Variants in ZNF280D observed in about 807,000 individuals in gnomAD.
ZNF280D encodes the protein zinc finger protein 280D.
Under a neutral mutation model 94.7 loss-of-function variants are expected in ZNF280D, and 39 were observed. The observed-to-expected ratio is 0.41, with a 90% CI of 0.32 to 0.54. The LOEUF is 0.54. Among genes scored for constraint, ZNF280D ranks in the 20% least tolerant of loss-of-function variants. The probability of loss-of-function intolerance (pLI) is 0.22; values close to 1 mark genes in which losing one functional copy is unlikely to be tolerated. For synonymous variants in ZNF280D, 398 were observed against 377.6 expected (o/e 1.05, Z -0.63); for missense variants, 1,090 against 1,149.3 (o/e 0.95, Z 0.75).
chr15:56,654,477 C>T lies in ZNF280D; in HGVS notation c.2084G>A (p.Cys695Tyr), dbSNP rs552965807. ...LRGITLVCLNCDFLSDVSGLD... is the reference protein window; with the variant it reads ...LRGITLVCLNYDFLSDVSGLD... ...GCCAGAAACATCACTTAGGAAATCA[C>T]AATTAAGGCACACTAGAGTAATGCC... is the stretch of plus-strand genomic sequence containing the variant. Residue 695 changes from cysteine to tyrosine, a missense_variant, in exon 18 of 22, where the codon TGT (cysteine) becomes TAT (tyrosine). Cys to Tyr is a radical substitution (Grantham distance 194). This residue lies in a region of ZNF280D where 577 missense variants were observed against 568.8 expected (regional missense o/e 1.01). Coordinates refer to ENST00000267807, the MANE Select transcript of ZNF280D (RefSeq NM_017661.4). 24 of 1,605,414 alleles carry T rather than the reference C, an allele frequency of 1.5e-5. No homozygotes were observed. Among genetic ancestry groups the T allele is most frequent in the Non-Finnish European group, 2.0e-5 (23 of 1,177,638 alleles).
intron 6 of ZNF280D, among the ~76,000 whole-genome samples, chr15:56,696,201 CAT>C (rs1173145018): frequency 2.6e-5 from 4 of 152,080 alleles, no homozygotes; most frequent in African/African-American, 9.7e-5. Flanking sequence ...AGTAATAAAA[CAT>C]AATCTTACTT....
chr15:56,708,267 CAG>C (rs1324718543), intron 1 of ZNF280D, among the ~76,000 whole-genome samples: 4 of 152,100 alleles, frequency 2.6e-5, no homozygotes, highest in Non-Finnish European at 2.9e-5. Flanking sequence ...TTCAGTTATT[CAG>C]AGTTACTATC....
chr15:56,708,720 T>G (rs1298657686), intron 1 of ZNF280D, among the ~76,000 whole-genome samples: 1 of 152,206 alleles, frequency 6.6e-6, no homozygotes, highest in African/African-American at 2.4e-5. Context: ...TATAACCATC[T>G]GATCTTTGAC....
At chr15:56,731,987 TAAC>T (rs1381470206) in intron 1 of ZNF280D, among the ~76,000 whole-genome samples, 1 of 152,090 alleles carries the variant, frequency 6.6e-6, no homozygotes, top group Non-Finnish European at 1.5e-5. Context: ...CTGGGCAACA[TAAC>T]AACCGCATTT....
At chr15:56,726,647 G>A (rs12900244) in intron 1 of ZNF280D, among the ~76,000 whole-genome samples, 72,872 of 151,924 alleles carry the variant, frequency 0.48, 19,368 homozygotes, top group East Asian at 0.61. Flanking sequence ...AAAAATAATA[G>A]GACTGCCTAA....
chr15:56,725,265 C>T (rs1458569557), intron 1 of ZNF280D, among the ~76,000 whole-genome samples: 1 of 151,798 alleles, frequency 6.6e-6, no homozygotes, highest in East Asian at 1.9e-4. Flanking sequence ...AAAAAAAAAT[C>T]CCAAACCTGA....
chr15:56,719,021 A>G (rs1289150963), intron 1 of ZNF280D, among the ~76,000 whole-genome samples: 1 of 152,150 alleles, frequency 6.6e-6, no homozygotes, highest in Admixed American at 6.6e-5. Flanking sequence ...AATAATGTAA[A>G]AACAGGTTTT....
chr15:56,654,073 T>C, intron 19 of ZNF280D, 125 bp downstream of exon 19: 2 of 1,218,260 alleles, frequency 1.6e-6, no homozygotes, highest in African/African-American at 1.6e-5. Context: ...CAAGCAGCTT[T>C]AAAAAAAAAA....
intron 14 of ZNF280D, 116 bp from the exon 15 acceptor site, chr15:56,667,102 ACAAT>A: frequency 1.4e-6 from 1 of 706,556 alleles, no homozygotes; most frequent in South Asian, 2.7e-5. Flanking sequence ...CATATAAACT[ACAAT>A]CAGGTAAGTC....
In ZNF280D at chr15:56,666,954, T is replaced by C; in HGVS notation, c.1578A>G (p.Gln526=). 2.5e-6 allele frequency: 4 copies of C among 1,609,732 alleles called. No homozygotes were observed. The highest frequency in any genetic ancestry group is 2.2e-5 in the East Asian group (1 of 44,718). The change falls in exon 15 of 22, where the codon CAA becomes CAG. Residue 526 remains glutamine, a synonymous_variant. Transcript: ENST00000267807. ...VTIRASVGPL[Q]SGASPTPSIS... ...TGGAAGGTGTAGGTGAAGCTCCTGA[T>C]TGCAGAGGTCCAACTGAAGCTCGAA...
intron 1 of ZNF280D, among the ~76,000 whole-genome samples, chr15:56,717,477 T>C (rs1299909932): frequency 6.6e-6 from 1 of 152,132 alleles, no homozygotes; most frequent in African/African-American, 2.4e-5. Flanking sequence ...TAATATTTAC[T>C]TGTTTTGAGC....
intron 6 of ZNF280D, among the ~76,000 whole-genome samples, chr15:56,695,550 A>G (rs1470034390): frequency 1.3e-4 from 2 of 15,416 alleles, no homozygotes; most frequent in African/African-American, 4.4e-4. Context: ...TTTTTTTTTG[A>G]GACGGAGTCT....
At chr15:56,652,380 C>A (rs534872011) in intron 19 of ZNF280D, 1 of 160,412 alleles carries the variant, frequency 6.2e-6, no homozygotes, top group Non-Finnish European at 1.3e-5. Context: ...AGATATAGCA[C>A]TGTCTGCAGC....
chr15:56,723,976 A>G (rs149667492), intron 1 of ZNF280D, among the ~76,000 whole-genome samples: 4 of 152,326 alleles, frequency 2.6e-5, no homozygotes, highest in Non-Finnish European at 5.9e-5. Context: ...ATCTGACAAC[A>G]CAGTATACTG....
intron 1 of ZNF280D, among the ~76,000 whole-genome samples, chr15:56,708,287 ACT>A (rs1335539174): frequency 3.3e-5 from 5 of 152,134 alleles, no homozygotes; most frequent in African/African-American, 1.2e-4. Context: ...ATCACATGAG[ACT>A]CTAGCGAATC....
chr15:56,697,756 A>G (rs1249121854), intron 6 of ZNF280D: 1 of 152,122 alleles, frequency 6.6e-6, no homozygotes, highest in African/African-American at 2.4e-5. Context: ...AACAGAGAAT[A>G]TTTTATAATA....
chr15:56,652,641 A>G lies in ZNF280D; in HGVS notation c.2213+1557T>C, dbSNP rs1490529392. The G allele has an allele frequency of 2.2e-5, 22 of 985,324 alleles. No individual in the cohort carries two copies. In the South Asian group the frequency reaches 4.7e-4, roughly 21 times the overall value. The allele number at this position is 985,324 out of a possible 1,614,324, so 61.0% of individuals were successfully genotyped here. A position where few individuals can be genotyped will look rare whatever the true frequency, so the allele number is the denominator to read the frequency against. ...CCATATGTATGTTTTTTAACATGTTACCTTTACCCAAAGGAGCTACATTAA... is the reference window on the plus strand; with the variant it reads ...CCATATGTATGTTTTTTAACATGTTGCCTTTACCCAAAGGAGCTACATTAA... On this transcript the variant is annotated intron_variant, in intron 19 of 21. Coordinates refer to ENST00000267807, the MANE Select transcript of ZNF280D (RefSeq NM_017661.4).
intron 12 of ZNF280D, among the ~76,000 whole-genome samples, chr15:56,677,180 G>C (rs533632750): frequency 6.6e-6 from 1 of 152,272 alleles, no homozygotes; most frequent in African/African-American, 2.4e-5. Context: ...TGGCCTCCAG[G>C]TTTATGGCAA....
intron 19 of ZNF280D, among the ~76,000 whole-genome samples, chr15:56,649,030 C>T (rs1375534635): frequency 6.6e-6 from 1 of 151,600 alleles, no homozygotes; most frequent in African/African-American, 2.4e-5. Context: ...TTTAGATAGA[C>T]AGAAGAAAGA....
Sources: gnomAD v4.1 joint callset for allele counts (sites outside exome capture counted in the v4.1 genomes callset) on GRCh38, gnomAD v4.1.1 for gene constraint, gnomAD v4.1.1 regional missense constraint, MANE v1.5 for transcripts, NCBI Gene and HGNC (gene_info 2026-07-23, HGNC 2026-07-21) for gene names.